TACR3: variants seen among roughly 807,000 people sequenced by gnomAD.
TACR3 encodes the protein tachykinin receptor 3.
TACR3 carries 34 observed loss-of-function variants against 35.0 expected under a neutral mutation model. That is an observed-to-expected ratio of 0.97 (90% CI 0.74 to 1.30). TACR3 has a LOEUF of 1.30. Among genes scored for constraint, TACR3 ranks in the 50% most tolerant of loss-of-function variants. The probability of loss-of-function intolerance (pLI) is 0.00; values close to 1 mark genes in which losing one functional copy is unlikely to be tolerated. For synonymous variants in TACR3, 233 were observed against 221.1 expected (o/e 1.05, Z -0.48); for missense variants, 558 against 591.7 (o/e 0.94, Z 0.59).
chr4:103,637,939 G>A lies in TACR3; in HGVS notation c.888+18255C>T, dbSNP rs964704486. Among the ~76,000 whole-genome samples the A allele has an allele frequency of 8.6e-3, 1,310 of 151,866 alleles. 20 individuals are homozygous for A. The highest frequency in any genetic ancestry group is 0.03 in the African/African-American group (1,227 of 41,426). Reference sequence around the variant, plus strand: ...AACCACTGCTCAATGAAATAAAAGGGGGATACAAACAAATGGAAGAATATT... The same window carrying A: ...AACCACTGCTCAATGAAATAAAAGGAGGATACAAACAAATGGAAGAATATT... On this transcript the variant is annotated intron_variant, in intron 3 of 4. Transcript: ENST00000304883.
intron 1 of TACR3, among the ~76,000 whole-genome samples, chr4:103,711,009 C>T (rs901005456): frequency 6.6e-6 from 1 of 152,020 alleles, no homozygotes; most frequent in African/African-American, 2.4e-5. Context: ...AATTGCCTAC[C>T]AAACAAAAAA....
intron 1 of TACR3, among the ~76,000 whole-genome samples, chr4:103,703,646 C>G (rs1472638885): frequency 6.6e-6 from 1 of 151,998 alleles, no homozygotes; most frequent in Non-Finnish European, 1.5e-5. Flanking sequence ...ATTTAATATA[C>G]CAATGAGGAA....
chr4:103,623,600 C>G (rs1254566129), intron 3 of TACR3, among the ~76,000 whole-genome samples: 1 of 152,076 alleles, frequency 6.6e-6, no homozygotes, highest in African/African-American at 2.4e-5. Flanking sequence ...ATTTTTGAAT[C>G]ACTTGCCCAA....
chr4:103,614,884 G>GTGTTTTTTTT (rs1724601239), intron 3 of TACR3, among the ~76,000 whole-genome samples: 5 of 72,006 alleles, frequency 6.9e-5, no homozygotes, highest in African/African-American at 3.0e-4. Context: ...TTATGAATGT[G>GTGTTTTTTTT]TTTTTTTTTT....
intron 1 of TACR3, among the ~76,000 whole-genome samples, chr4:103,689,291 C>G (rs1222022061): frequency 6.6e-6 from 1 of 150,828 alleles, no homozygotes; most frequent in Non-Finnish European, 1.5e-5. Flanking sequence ...GGGAGATATA[C>G]CTAATGCTAG....
chr4:103,605,865 T>A (rs1299528312), intron 3 of TACR3, among the ~76,000 whole-genome samples: 2 of 152,232 alleles, frequency 1.3e-5, no homozygotes, highest in African/African-American at 2.4e-5. Context: ...TTGGTTGCCA[T>A]GGCTTTTGGT....
intron 3 of TACR3, among the ~76,000 whole-genome samples, chr4:103,619,939 C>CAA (rs1367830470): frequency 6.6e-6 from 1 of 151,446 alleles, no homozygotes; most frequent in African/African-American, 2.4e-5. Flanking sequence ...GCACAGCAAA[C>CAA]AAAAACTATC....
rs757157131 is a variant in TACR3, at chr4:103,587,012, C to T, written c.*2670G>A. The T allele has an allele frequency of 1.3e-5, 2 of 151,818 alleles. No individual in the cohort carries two copies. The highest frequency in any genetic ancestry group is 2.9e-5 in the Non-Finnish European group (2 of 67,956). The allele number at this position is 151,818 out of a possible 1,614,324, so 9.4% of individuals were successfully genotyped here. ...GTAAAAAAACCTGGGCTGTTTTAAC[C>T]ATCTGCCTAGTAGTCTGAGCCAGTG... On this transcript the variant is annotated 3_prime_UTR_variant, in exon 5 of 5. Coordinates refer to ENST00000304883, the MANE Select transcript of TACR3 (RefSeq NM_001059.3).
intron 3 of TACR3, among the ~76,000 whole-genome samples, chr4:103,629,938 TATACTACAAGGCTACC>T (rs1725021616): frequency 6.7e-6 from 1 of 148,290 alleles, no homozygotes; most frequent in Admixed American, 6.7e-5. Flanking sequence ...GACTTCAAAC[TATACTACAAGGCTACC>T]ATAGCCAAAA....
chr4:103,647,461 AT>A (rs1560820968), intron 3 of TACR3, among the ~76,000 whole-genome samples: 1 of 151,896 alleles, frequency 6.6e-6, no homozygotes. Context: ...CTCTCTTAAA[AT>A]TTATAGAAGT....
intron 3 of TACR3, among the ~76,000 whole-genome samples, chr4:103,654,342 A>G (rs935606400): frequency 3.9e-5 from 6 of 151,900 alleles, no homozygotes; most frequent in East Asian, 1.9e-4. Flanking sequence ...TGTGGCACAT[A>G]TACACCATGG....
chr4:103,613,321 C>T (rs1724553614), intron 3 of TACR3, among the ~76,000 whole-genome samples: 2 of 152,154 alleles, frequency 1.3e-5, no homozygotes, highest in South Asian at 4.1e-4. Flanking sequence ...TGAGGCTAAC[C>T]TCATAAGGTT....
intron 1 of TACR3, among the ~76,000 whole-genome samples, chr4:103,668,243 T>C (rs981077567): frequency 1.3e-5 from 2 of 152,158 alleles, no homozygotes; most frequent in Non-Finnish European, 2.9e-5. Context: ...ACAGAAATTA[T>C]AGGTTTCCCA....
chr4:103,610,027 A>G (rs1055814160), intron 3 of TACR3, among the ~76,000 whole-genome samples: 2 of 152,130 alleles, frequency 1.3e-5, no homozygotes, highest in African/African-American at 4.8e-5. Context: ...CTTGGTGGAC[A>G]CTTAGGTTGA....
chr4:103,663,958 T>G (rs1304625352), intron 1 of TACR3, among the ~76,000 whole-genome samples: 2 of 152,160 alleles, frequency 1.3e-5, no homozygotes, highest in Non-Finnish European at 2.9e-5. Flanking sequence ...TTTCCAAGGA[T>G]TTTTGCTGAG....
intron 1 of TACR3, among the ~76,000 whole-genome samples, chr4:103,671,073 A>AT (rs1726047566): frequency 6.6e-6 from 1 of 151,782 alleles, no homozygotes; most frequent in Admixed American, 6.6e-5. Context: ...ATAGTCATCT[A>AT]TTTTTTGTCT....
chr4:103,702,466 G>T (rs1722675745), intron 1 of TACR3, among the ~76,000 whole-genome samples: 1 of 152,166 alleles, frequency 6.6e-6, no homozygotes, highest in Non-Finnish European at 1.5e-5. Flanking sequence ...CTGTAAACTA[G>T]TTCAACCATT....
intron 3 of TACR3, among the ~76,000 whole-genome samples, chr4:103,611,792 C>A (rs985742122): frequency 6.6e-6 from 1 of 152,156 alleles, no homozygotes; most frequent in African/African-American, 2.4e-5. Flanking sequence ...TAAGTGTCAT[C>A]ATCATCTATC....
Position 103,658,359 on chromosome 4 carries a change from G to A in TACR3, c.593C>T (p.Thr198Ile). 1 of 1,613,858 alleles carries A rather than the reference G, an allele frequency of 6.2e-7. No individual in the cohort carries two copies. Among genetic ancestry groups the A allele is most frequent in the Non-Finnish European group, 8.5e-7 (1 of 1,179,938 alleles). ...ACTTCCAATGACAATCTTGGTTGCT[G>A]TAGCAGACAGTCTGGGTTTCAAGGG... is the stretch of plus-strand genomic sequence containing the variant. The part of the protein sequence containing the change: ...IDPLKPRLSA[T>I]ATKIVIGSIW... The change falls in exon 2 of 5, where the codon ACA becomes ATA. Residue 198 changes from threonine (T) to isoleucine (I), a missense_variant. Thr to Ile is a moderately conservative substitution (Grantham distance 89). Transcript: ENST00000304883.
Sources: allele counts gnomAD v4.1 joint callset (sites outside exome capture counted in the v4.1 genomes callset), GRCh38; gene constraint gnomAD v4.1.1; transcripts MANE v1.5; gene names NCBI Gene and HGNC (gene_info 2026-07-23, HGNC 2026-07-21).